Variants in RNF213 observed in about 807,000 individuals in gnomAD.
RNF213 encodes the protein ring finger protein 213, also known as E3 ubiquitin-protein ligase RNF213.
In RNF213, 341 loss-of-function variants were observed where a neutral mutation model predicts 514.4. The ratio of observed to expected loss-of-function variants is 0.66; its 90% CI spans 0.61 to 0.73. The LOEUF (loss-of-function observed/expected upper bound fraction) is 0.73, where lower values mean the gene tolerates loss of function less well. Among genes scored for constraint, RNF213 ranks in the 30% least tolerant of loss-of-function variants. RNF213 has a pLI of 0.00. For synonymous variants in RNF213, 2,655 were observed against 2,658.2 expected (o/e 1.00, Z 0.04); for missense variants, 5,767 against 6,615.6 (o/e 0.87, Z 4.45).
chr17:80,354,372 G>A, intron 35 of RNF213, 69 bp from the exon 36 acceptor site: 3 of 1,611,416 alleles, frequency 1.9e-6, no homozygotes, highest in Non-Finnish European at 1.7e-6. Context: ...GGGGAGGTGG[G>A]ACAGAAGCAC....
At position 80,345,242 on chromosome 17, in the gene RNF213, C is replaced by T. The variant is rs780999095; in HGVS notation, c.6907C>T (p.His2303Tyr). The T allele has an allele frequency of 2.1e-5, 34 of 1,614,022 alleles. No individual in the cohort carries two copies. The highest frequency in any genetic ancestry group is 2.7e-5 in the Non-Finnish European group (32 of 1,180,036). ...SLRKRWESEP[H>Y]PYVFFNDDHT... is the part of the protein sequence containing the mutation. ...CCGGAAGAGGTGGGAGTCGGAGCCT[C>T]ACCCATACGTTTTCTTCAATGACGA... Residue 2303 changes from histidine (H) to tyrosine (Y), a missense_variant, in exon 29 of 68, where the codon CAC (histidine) becomes TAC (tyrosine). By Grantham distance (83) the His-to-Tyr change is moderately conservative (BLOSUM62 2). Around this residue, in one of 13 missense-constraint regions of RNF213, gnomAD observed 1,377 missense variants for 1,635.2 expected, o/e 0.84. Coordinates refer to ENST00000582970, the MANE Select transcript of RNF213 (RefSeq NM_001256071.3). The surrounding 1 kb of genome is among the most constrained non-coding windows in gnomAD (Gnocchi z 6.0).
At position 80,263,742 on chromosome 17, in the gene RNF213, T is replaced by G. The variant is rs1305699275; in HGVS notation, c.61T>G (p.Cys21Gly). Residue 21 changes from cysteine (C) to glycine (G), a missense_variant, in exon 2 of 68, where the codon TGC becomes GGC. Transcript: ENST00000582970. This position sits in a 1 kb window ranked among gnomAD's most constrained non-coding sequence, Gnocchi z 4.9. ...GGAAACCCCCAAGTTCTGCAGCCAGTGCGGAGAGAGGCTGCCTCCTGCAGC... is the reference window on the plus strand; with the variant it reads ...GGAAACCCCCAAGTTCTGCAGCCAGGGCGGAGAGAGGCTGCCTCCTGCAGC... ...KEETPKFCSQ[C>G]GERLPPAAPI... The G allele has an allele frequency of 6.2e-7, 1 of 1,613,928 alleles. No individual in the cohort carries two copies. Among genetic ancestry groups the G allele is most frequent in the Non-Finnish European group, 8.5e-7 (1 of 1,180,004 alleles).
Position 80,376,411 on chromosome 17 carries a change from G to A in RNF213, c.13296G>A (p.Ala4432=), listed in dbSNP as rs566738497. 66 of 1,614,208 alleles carry A rather than the reference G, an allele frequency of 4.1e-5. No homozygotes were observed. Among genetic ancestry groups the A allele is most frequent in the South Asian group, 3.6e-4 (33 of 91,080 alleles). ...ACAATTCTGTGCCATTGTTGAGGGC[G>A]GGGCCTAGTGACAGCAACCTTGATG... ...LVDNSVPLLR[A]GPSDSNLDGT... Residue 4432 remains alanine, a synonymous_variant, in exon 52 of 68, where the codon GCG becomes GCA. Transcript: ENST00000582970.
intron 3 of RNF213, among the ~76,000 whole-genome samples, chr17:80,273,613 C>CTTT (rs56957242): frequency 1.0e-3 from 99 of 97,578 alleles, no homozygotes; most frequent in African/African-American, 2.7e-3. Context: ...CCTCCACCGT[C>CTTT]TTTTTTTTTT....
At position 80,367,777 on chromosome 17, in the gene RNF213, G is replaced by A. The variant is rs1439749353; in HGVS notation, c.11901G>A (p.Thr3967=). Residue 3967 remains threonine, a synonymous_variant, in exon 43 of 68, where the codon ACG becomes ACA. Transcript: ENST00000582970. ...KCLRENSDVK[T]HGPFEAVMRT... is the part of the protein sequence containing the mutation. ...TTCGAGAGAACTCTGACGTGAAGAC[G>A]CACGGGCCTTTTGAGGCCGTGATGC... 1.5e-5 allele frequency: 24 copies of A among 1,614,144 alleles called. No homozygotes were observed. The highest frequency in any genetic ancestry group is 1.9e-5 in the Non-Finnish European group (23 of 1,179,972).
At chr17:80,325,708 G>A (rs1448014230) in intron 18 of RNF213, among the ~76,000 whole-genome samples, 1 of 152,034 alleles carries the variant, frequency 6.6e-6, no homozygotes, top group Non-Finnish European at 1.5e-5. Flanking sequence ...GTGTTTTGTG[G>A]TCAAGGAGGG....
At chr17:80,386,225 T>C in intron 61 of RNF213, 25 bp from the exon 62 acceptor site, 4 of 1,601,612 alleles carry the variant, frequency 2.5e-6, no homozygotes, top group Non-Finnish European at 3.4e-6. Flanking sequence ...TCCTCTCTGC[T>C]TAAGCATAAC....
At chr17:80,268,647 C>T (rs968681606) in intron 2 of RNF213, among the ~76,000 whole-genome samples, 1 of 151,798 alleles carries the variant, frequency 6.6e-6, no homozygotes, top group African/African-American at 2.4e-5. Flanking sequence ...GTTTATCTGT[C>T]TATCTATCTG....
At chr17:80,330,960 GGT>G (rs2046398027) in intron 20 of RNF213, among the ~76,000 whole-genome samples, 1 of 152,160 alleles carries the variant, frequency 6.6e-6, no homozygotes, top group Non-Finnish European at 1.5e-5. Context: ...TGAGATTACA[GGT>G]GTCCACCACC....
chr17:80,353,082 TG>T lies in RNF213; in HGVS notation c.10423+28del. ...AGCGTGAGTCACGAGGCGGAGCCCC[TG>T]GGGGAGCAGGTGGTGGAAGGGCAGA... is the stretch of plus-strand genomic sequence containing the variant. On this transcript the variant is annotated intron_variant, in intron 33 of 67. Transcript: ENST00000582970. This position sits in a 1 kb window ranked among gnomAD's most constrained non-coding sequence, Gnocchi z 5.0. 6.2e-7 allele frequency: 1 copy of T among 1,609,226 alleles called. No homozygotes were observed.
At chr17:80,329,870 ATAGG>A (rs1409742375) in intron 20 of RNF213, among the ~76,000 whole-genome samples, 1 of 152,112 alleles carries the variant, frequency 6.6e-6, no homozygotes, top group Non-Finnish European at 1.5e-5. Context: ...TTGGGTATTA[ATAGG>A]TAGGTCTTTC....
At chr17:80,387,704 G>A (rs971185562) in intron 63 of RNF213, among the ~76,000 whole-genome samples, 1 of 152,186 alleles carries the variant, frequency 6.6e-6, no homozygotes, top group Non-Finnish European at 1.5e-5. Flanking sequence ...GGATAAAGCC[G>A]ACACTCTGTT....
intron 14 of RNF213, among the ~76,000 whole-genome samples, chr17:80,310,065 G>A (rs984691317): frequency 6.6e-6 from 1 of 151,678 alleles, no homozygotes; most frequent in Non-Finnish European, 1.5e-5. Context: ...CCATGGATCA[G>A]TTTTACCTGT....
chr17:80,365,777 A>G (rs975727246), intron 42 of RNF213, among the ~76,000 whole-genome samples: 1 of 152,006 alleles, frequency 6.6e-6, no homozygotes, highest in African/African-American at 2.4e-5. Flanking sequence ...CAGCCTCTCC[A>G]AGTCTCATCA....
At chr17:80,314,211 GAGGTGATGGTGGTGGTGA>G (rs2045736790) in intron 15 of RNF213, among the ~76,000 whole-genome samples, 1 of 126,650 alleles carries the variant, frequency 7.9e-6, no homozygotes, top group Non-Finnish European at 1.7e-5. Context: ...GGAGGTAATG[GAGGTGATGGTGGTGGTGA>G]AGGTGATGGT....
Position 80,332,560 on chromosome 17 carries a change from G to A in RNF213, c.4072G>A (p.Val1358Ile). The A allele has an allele frequency of 6.5e-7, 1 of 1,534,828 alleles. No homozygotes were observed. The highest frequency in any genetic ancestry group is 1.2e-5 in the South Asian group (1 of 83,976). The change falls in exon 21 of 68, where the codon GTC becomes ATC. Residue 1358 changes from valine to isoleucine, a missense_variant. By Grantham distance (29) the Val-to-Ile change is conservative. Transcript: ENST00000582970. ...GCACCAGGCTGTCCACGCAGCCAAG[G>A]TCATCTTGCAGGTCAAAGAGAGCCT... is the stretch of plus-strand genomic sequence containing the variant. ...HLHQAVHAAK[V>I]ILQVKESLGL...
At chr17:80,372,146 G>A (rs1599163076) in intron 47 of RNF213, among the ~76,000 whole-genome samples, 161 bp downstream of exon 47, 2 of 152,172 alleles carry the variant, frequency 1.3e-5, no homozygotes, top group South Asian at 2.1e-4. Flanking sequence ...CTTCAGCAAC[G>A]TATATTTTGG....
chr17:80,360,188 T>C lies in RNF213; in HGVS notation c.11182T>C (p.Tyr3728His). The stretch of plus-strand genomic sequence containing the variant: ...GGAGGAGCTGTGGGTCCAGGCTCAG[T>C]ACATCACAGACGCAGAAGGTGAGGC... The part of the protein sequence containing the change: ...YLEELWVQAQ[Y>H]ITDAEGLPKK... Residue 3728 changes from tyrosine (Y) to histidine (H), a missense_variant, in exon 38 of 68, where the codon TAC becomes CAC. Coordinates refer to ENST00000582970, the MANE Select transcript of RNF213 (RefSeq NM_001256071.3). The C allele has an allele frequency of 6.2e-7, 1 of 1,613,540 alleles. No individual in the cohort carries two copies. Among genetic ancestry groups the C allele is most frequent in the South Asian group, 1.1e-5 (1 of 90,910 alleles).
At position 80,313,119 on chromosome 17, in the gene RNF213, C is replaced by T. The variant is rs146200316; in HGVS notation, c.2763C>T (p.Asn921=). 6.2e-7 allele frequency: 1 copy of T among 1,614,146 alleles called. No individual in the cohort carries two copies. Residue 921 remains asparagine, a synonymous_variant, in exon 15 of 68, where the codon AAC becomes AAT. Coordinates refer to ENST00000582970, the MANE Select transcript of RNF213 (RefSeq NM_001256071.3). ...GGCTCCGAGAAGTTTTTACAAAGAA[C>T]ATGCTCACATCTTCAGGTGCCTCAT... is the stretch of plus-strand genomic sequence containing the variant. ...KRWLREVFTK[N]MLTSSGASFT... is the part of the protein sequence containing the mutation.
Sources: allele counts gnomAD v4.1 joint callset (sites outside exome capture counted in the v4.1 genomes callset), GRCh38; gene constraint gnomAD v4.1.1; regional missense constraint gnomAD v4.1.1; non-coding constraint Gnocchi (gnomAD v3.1); transcripts MANE v1.5; gene names NCBI Gene and HGNC (gene_info 2026-07-23, HGNC 2026-07-21).